GPC5: variants seen among roughly 807,000 people sequenced by gnomAD.
GPC5 encodes glypican 5, also known as glypican-5.
A neutral mutation model predicts 53.9 loss-of-function variants in GPC5; 47 were observed. That is an observed-to-expected ratio of 0.87 (90% confidence interval 0.69 to 1.11). The LOEUF is 1.11. Ranked by LOEUF, GPC5 falls within the 50% of genes most tolerant of loss-of-function variation. The pLI is 0.00. For synonymous variants in GPC5, 286 were observed against 263.3 expected, an observed-to-expected ratio of 1.09 and a Z score of -0.84; for missense variants, 748 against 713.1, an observed-to-expected ratio of 1.05 and a Z score of -0.56.
chr13:91,669,614 G>A (rs1348054917), intron 2 of GPC5, among the ~76,000 whole-genome samples: 2 of 152,142 alleles, frequency 1.3e-5, no homozygotes, highest in African/African-American at 4.8e-5. Context: ...AAATGGCAGG[G>A]TAGAACTTAG....
rs575642310 is a variant in GPC5, at chr13:91,835,437, A to T, written c.1281-72500A>T. Among the ~76,000 whole-genome samples, 5 of 152,240 alleles carry T rather than the reference A, an allele frequency of 3.3e-5. No individual in the cohort carries two copies. The South Asian group carries it at 8.3e-4, about 25-fold the overall frequency. On this transcript the variant is annotated intron_variant, in intron 5 of 7. Transcript: ENST00000377067. Reference sequence around the variant, plus strand: ...TTCTACTGTAAAGACACATGCACACATATGTTTATTGTGGCACTATTCACA... The same window carrying T: ...TTCTACTGTAAAGACACATGCACACTTATGTTTATTGTGGCACTATTCACA...
intron 2 of GPC5, among the ~76,000 whole-genome samples, chr13:91,505,311 GA>G (rs1456589257): frequency 6.6e-6 from 1 of 152,266 alleles, no homozygotes; most frequent in Non-Finnish European, 1.5e-5. Context: ...AAAAAAGAAA[GA>G]CTCCAGAAAT....
intron 7 of GPC5, among the ~76,000 whole-genome samples, chr13:92,704,312 T>C (rs1887867191): frequency 6.6e-6 from 1 of 152,080 alleles, no homozygotes; most frequent in Non-Finnish European, 1.5e-5. Context: ...CTTAGACCAC[T>C]GTGAATGCTG....
chr13:92,477,340 A>C (rs551184194), intron 7 of GPC5, among the ~76,000 whole-genome samples: 8 of 152,262 alleles, frequency 5.3e-5, no homozygotes, highest in African/African-American at 1.9e-4. Context: ...CTGTTGCCAC[A>C]AGAACTGAGC....
rs191057216 is a variant in GPC5, at chr13:92,418,392, G to A, written c.1561+273403G>A. Among the ~76,000 whole-genome samples, 360 of 152,186 alleles carry A rather than the reference G, an allele frequency of 2.4e-3. 2 individuals carry two copies. Among genetic ancestry groups the A allele is most frequent in the African/African-American group, 7.9e-3 (326 of 41,512 alleles). On this transcript the variant is annotated intron_variant, in intron 7 of 7. Transcript: ENST00000377067. ...TGATAGCACAGAGTTGGGAGATCACGTTATTGAGGTTTAATAAGATTTGGA... is the reference window on the plus strand; with the variant it reads ...TGATAGCACAGAGTTGGGAGATCACATTATTGAGGTTTAATAAGATTTGGA...
chr13:92,664,192 G>A (rs988293824), intron 7 of GPC5, among the ~76,000 whole-genome samples: 1 of 151,908 alleles, frequency 6.6e-6, no homozygotes, highest in Admixed American at 6.6e-5. Flanking sequence ...GGCTAGTCTG[G>A]AGAATGAATC....
chr13:92,259,648 C>T (rs543090244), intron 7 of GPC5, among the ~76,000 whole-genome samples: 28 of 152,220 alleles, frequency 1.8e-4, no homozygotes, highest in East Asian at 7.7e-4. Context: ...AGTGTGGGGG[C>T]GGCTAATGTT....
intron 2 of GPC5, among the ~76,000 whole-genome samples, chr13:91,551,286 G>A (rs549473903): frequency 8.5e-5 from 13 of 152,140 alleles, no homozygotes; most frequent in Non-Finnish European, 1.9e-4. Flanking sequence ...ATGGAAAATT[G>A]CTCAGAGATG....
At chr13:91,808,089 GATCT>G (rs1285344700) in intron 5 of GPC5, among the ~76,000 whole-genome samples, 1 of 151,996 alleles carries the variant, frequency 6.6e-6, no homozygotes. Flanking sequence ...GACTGTTTAA[GATCT>G]ATCTTTCTAG....
chr13:92,490,074 T>TAA, intron 7 of GPC5: 1 of 154,034 alleles, frequency 6.5e-6, no homozygotes, highest in Non-Finnish European at 1.5e-5. Flanking sequence ...AATTTATCTA[T>TAA]AATGTGCAGT....
At chr13:92,527,165 AAAGAAAG>A (rs1566276706) in intron 7 of GPC5, among the ~76,000 whole-genome samples, 24 of 128,976 alleles carry the variant, frequency 1.9e-4, no homozygotes, top group African/African-American at 6.7e-4. Flanking sequence ...AGAAAGAAAG[AAAGAAAG>A]AGAAAGAAAG....
intron 7 of GPC5, among the ~76,000 whole-genome samples, chr13:92,846,143 AG>A (rs1878604248): frequency 6.6e-6 from 1 of 152,128 alleles, no homozygotes; most frequent in Non-Finnish European, 1.5e-5. Flanking sequence ...GGGAAGCAAA[AG>A]CCTCTTTCTT....
At chr13:92,509,235 T>G (rs1483303070) in intron 7 of GPC5, among the ~76,000 whole-genome samples, 4 of 152,154 alleles carry the variant, frequency 2.6e-5, no homozygotes, top group African/African-American at 9.7e-5. Flanking sequence ...TTCCTGATAG[T>G]TTTAACCCTC....
chr13:91,846,342 C>A (rs1475617873), intron 5 of GPC5, among the ~76,000 whole-genome samples: 4 of 151,844 alleles, frequency 2.6e-5, no homozygotes, highest in Non-Finnish European at 4.4e-5. Context: ...CATAGTACCG[C>A]CTTAAATGCT....
chr13:92,566,150 G>A (rs1463839653), intron 7 of GPC5, among the ~76,000 whole-genome samples: 3 of 152,000 alleles, frequency 2.0e-5, no homozygotes, highest in Non-Finnish European at 4.4e-5. Flanking sequence ...CCATGGAAAG[G>A]TGCATGTCTC....
chr13:91,862,758 AG>A (rs1428740639), intron 5 of GPC5, among the ~76,000 whole-genome samples: 31 of 152,152 alleles, frequency 2.0e-4, no homozygotes, highest in Non-Finnish European at 1.5e-5. Context: ...CTAATTTTCA[AG>A]CCCCCATTAA....
intron 5 of GPC5, among the ~76,000 whole-genome samples, chr13:91,829,637 C>T (rs980385815): frequency 2.6e-5 from 4 of 151,926 alleles, no homozygotes; most frequent in African/African-American, 9.7e-5. Flanking sequence ...ATCGGGGAAC[C>T]TGCCCTGATA....
intron 6 of GPC5, among the ~76,000 whole-genome samples, chr13:92,038,386 AGATAGAT>A (rs2040912710): frequency 7.4e-6 from 1 of 135,848 alleles, no homozygotes; most frequent in African/African-American, 2.7e-5. Context: ...ATAGATAGGT[AGATAGAT>A]AGATCGATCC....
intron 7 of GPC5, among the ~76,000 whole-genome samples, chr13:92,154,660 T>G (rs1203780232): frequency 6.6e-6 from 1 of 152,320 alleles, no homozygotes; most frequent in East Asian, 1.9e-4. Context: ...TTTGAGTCCT[T>G]TGAGATGACC....
Sources: allele counts gnomAD v4.1 joint callset (sites outside exome capture counted in the v4.1 genomes callset), GRCh38; gene constraint gnomAD v4.1.1; transcripts MANE v1.5; gene names NCBI Gene and HGNC (gene_info 2026-07-23, HGNC 2026-07-21).